The following ZNF385B variants were observed in gnomAD, a reference collection of about 807,000 sequenced individuals.
ZNF385B encodes zinc finger protein 533.
In ZNF385B, 23 loss-of-function variants were observed where a neutral mutation model predicts 39.2. That is an observed-to-expected ratio of 0.59 (90% CI 0.42 to 0.83). The LOEUF (loss-of-function observed/expected upper bound fraction) is 0.83. ZNF385B is among the 40% of genes least tolerant of loss of function. The pLI, the probability that ZNF385B is intolerant of heterozygous loss-of-function variation, is 0.00. For synonymous variants in ZNF385B, 205 were observed against 222.6 expected (o/e 0.92, Z 0.70); for missense variants, 552 against 598.9 (o/e 0.92, Z 0.82).
chr2:179,795,445 T>C (rs1396811452), intron 1 of ZNF385B, among the ~76,000 whole-genome samples: 1 of 152,168 alleles, frequency 6.6e-6, no homozygotes, highest in African/African-American at 2.4e-5. Flanking sequence ...TTGTATGTTG[T>C]CAGTGCTATC....
At chr2:179,530,101 G>A (rs2059164242) in intron 4 of ZNF385B, among the ~76,000 whole-genome samples, 1 of 152,152 alleles carries the variant, frequency 6.6e-6, no homozygotes, top group Admixed American at 6.5e-5. Flanking sequence ...CCATCCCAAA[G>A]TTTGAAAGGA....
At chr2:179,805,518 T>C (rs1021082432) in intron 1 of ZNF385B, among the ~76,000 whole-genome samples, 2 of 152,230 alleles carry the variant, frequency 1.3e-5, no homozygotes, top group African/African-American at 4.8e-5. Flanking sequence ...TAACAAATTA[T>C]ATTATTATAA....
chr2:179,575,984 A>T (rs1392306330), intron 3 of ZNF385B: 2 of 202,900 alleles, frequency 9.9e-6, no homozygotes, highest in African/African-American at 4.7e-5. Context: ...TTGCATAAAA[A>T]CTTTAACTTG....
chr2:179,750,998 A>T (rs1358918492), intron 3 of ZNF385B, among the ~76,000 whole-genome samples: 1 of 152,094 alleles, frequency 6.6e-6, no homozygotes, highest in East Asian at 1.9e-4. Context: ...CTTGTCTCTA[A>T]ATCTGTCATG....
chr2:179,727,079 G>A (rs1381915625), intron 3 of ZNF385B, among the ~76,000 whole-genome samples: 1 of 152,030 alleles, frequency 6.6e-6, no homozygotes, highest in African/African-American at 2.4e-5. Flanking sequence ...GGAGCACTCA[G>A]ACTATAGCGA....
At chr2:179,488,346 CTGTTG>C (rs2054834182) in intron 5 of ZNF385B, among the ~76,000 whole-genome samples, 1 of 152,072 alleles carries the variant, frequency 6.6e-6, no homozygotes, top group Non-Finnish European at 1.5e-5. Flanking sequence ...GGGTTTCACC[CTGTTG>C]GCCAGGCTGG....
intron 4 of ZNF385B, among the ~76,000 whole-genome samples, chr2:179,528,457 T>A (rs2059057419): frequency 6.6e-6 from 1 of 152,360 alleles, no homozygotes; most frequent in East Asian, 1.9e-4. Context: ...CTTTTGTCTT[T>A]AAAATAAATA....
intron 5 of ZNF385B, among the ~76,000 whole-genome samples, chr2:179,509,469 C>G (rs558296302): frequency 6.6e-6 from 1 of 152,270 alleles, no homozygotes; most frequent in East Asian, 1.9e-4. Context: ...TCCCTGCTCC[C>G]TGTAATCATG....
intron 5 of ZNF385B, among the ~76,000 whole-genome samples, chr2:179,483,706 G>A (rs1434053196): frequency 1.3e-5 from 2 of 152,204 alleles, no homozygotes; most frequent in East Asian, 3.8e-4. Flanking sequence ...CTGTGACACA[G>A]GTGAGCTTTG....
At chr2:179,768,670 C>T in intron 3 of ZNF385B, among the ~76,000 whole-genome samples, 1 of 152,174 alleles carries the variant, frequency 6.6e-6, no homozygotes, top group East Asian at 1.9e-4. Flanking sequence ...CCACCTCAAA[C>T]CTTGGGAGGA....
At chr2:179,693,531 T>C (rs1361987241) in intron 3 of ZNF385B, among the ~76,000 whole-genome samples, 1 of 152,204 alleles carries the variant, frequency 6.6e-6, no homozygotes. Flanking sequence ...CAGAAATGTT[T>C]AAAGAATAAC....
At chr2:179,696,443 T>C (rs1445510351) in intron 3 of ZNF385B, among the ~76,000 whole-genome samples, 7 of 147,538 alleles carry the variant, frequency 4.7e-5, no homozygotes, top group Non-Finnish European at 1.0e-4. Context: ...GAAGGACTGG[T>C]GGTGAGAAAG....
intron 3 of ZNF385B, among the ~76,000 whole-genome samples, chr2:179,729,080 C>G (rs1701205984): frequency 1.4e-5 from 2 of 143,800 alleles, no homozygotes; most frequent in African/African-American, 5.2e-5. Context: ...AATATTTACT[C>G]TAAAGTCAAA....
intron 1 of ZNF385B, among the ~76,000 whole-genome samples, chr2:179,818,036 C>T (rs201683959): frequency 6.6e-6 from 1 of 151,636 alleles, no homozygotes; most frequent in African/African-American, 2.4e-5. Context: ...GTGTGGCAGA[C>T]TGAATGTGTG....
chr2:179,579,138 G>T (rs1459050621), intron 3 of ZNF385B, among the ~76,000 whole-genome samples: 1 of 152,072 alleles, frequency 6.6e-6, no homozygotes, highest in Admixed American at 6.6e-5. Context: ...TGGGTTTGTA[G>T]AATTAGACTA....
intron 4 of ZNF385B, among the ~76,000 whole-genome samples, chr2:179,538,321 G>T (rs939214555): frequency 6.6e-6 from 1 of 152,044 alleles, no homozygotes; most frequent in Non-Finnish European, 1.5e-5. Flanking sequence ...TTTAAATAAA[G>T]ACTTCATTAA....
At chr2:179,599,930 C>T (rs897117611) in intron 3 of ZNF385B, among the ~76,000 whole-genome samples, 1 of 152,230 alleles carries the variant, frequency 6.6e-6, no homozygotes, top group African/African-American at 2.4e-5. Context: ...GGCAAAGCTG[C>T]TGGCTCTGGG....
intron 1 of ZNF385B, among the ~76,000 whole-genome samples, chr2:179,809,842 G>A (rs1257546287): frequency 6.6e-6 from 1 of 151,944 alleles, no homozygotes. Flanking sequence ...GTGGGAAAAT[G>A]ACTTTAAGCC....
chr2:179,776,599 G>A (rs1194819750), intron 1 of ZNF385B, among the ~76,000 whole-genome samples: 2 of 152,088 alleles, frequency 1.3e-5, no homozygotes, highest in African/African-American at 2.4e-5. Flanking sequence ...CTATTAGTGG[G>A]GGAATTGTGC....
Sources: allele counts gnomAD v4.1 joint callset (sites outside exome capture counted in the v4.1 genomes callset), GRCh38; gene constraint gnomAD v4.1.1; transcripts MANE v1.5; gene names NCBI Gene and HGNC (gene_info 2026-07-23, HGNC 2026-07-21).